Variants in XIRP2 observed in about 807,000 individuals in gnomAD.
The protein encoded by XIRP2 is xin actin binding repeat containing 2.
A neutral mutation model predicts 277.0 loss-of-function variants in XIRP2; 236 were observed. The observed-to-expected ratio is 0.85, with a 90% CI of 0.77 to 0.95. XIRP2 has a LOEUF of 0.95. Ranked by LOEUF, XIRP2 falls within the 40% of genes least tolerant of loss-of-function variation. The probability of loss-of-function intolerance (pLI) is 0.00; values close to 1 mark genes in which losing one functional copy is unlikely to be tolerated. For synonymous variants in XIRP2, 1,490 were observed against 1,416.5 expected (o/e 1.05, Z -1.17); for missense variants, 4,640 against 4,157.5 (o/e 1.12, Z -3.19).
chr2:167,139,785 T>A (rs1691657224), intron 3 of XIRP2, among the ~76,000 whole-genome samples: 1 of 152,224 alleles, frequency 6.6e-6, no homozygotes. Flanking sequence ...GTCCTATATC[T>A]GTGCGGTCCA....
intron 3 of XIRP2, among the ~76,000 whole-genome samples, chr2:167,201,170 GAGAAAGAAAGAGAGAGAGAGAAAGAA>G (rs1173258934): frequency 6.9e-6 from 1 of 145,026 alleles, no homozygotes; most frequent in Admixed American, 7.1e-5. Flanking sequence ...GAGAGAGAGA[GAGAAAGAAAGAGAGAGAGAGAAAGAA>G]AGAAAGAAAG....
intron 2 of XIRP2, among the ~76,000 whole-genome samples, chr2:167,024,031 A>C (rs894875447): frequency 6.6e-6 from 1 of 152,128 alleles, no homozygotes; most frequent in African/African-American, 2.4e-5. Flanking sequence ...CATTGAATCT[A>C]TAAATTACCT....
At chr2:167,104,683 C>A (rs944823010) in intron 2 of XIRP2, among the ~76,000 whole-genome samples, 1 of 151,890 alleles carries the variant, frequency 6.6e-6, no homozygotes, top group African/African-American at 2.4e-5. Flanking sequence ...TTTACTGTTG[C>A]TTATTTTATT....
intron 2 of XIRP2, among the ~76,000 whole-genome samples, chr2:167,060,477 C>T (rs547981112): frequency 2.6e-4 from 40 of 152,164 alleles, no homozygotes; most frequent in African/African-American, 9.4e-4. Flanking sequence ...GAAGTTTTAT[C>T]TTTTTATTTC....
chr2:166,917,087 C>A (rs1205836807), intron 2 of XIRP2, among the ~76,000 whole-genome samples: 1 of 152,056 alleles, frequency 6.6e-6, no homozygotes, highest in African/African-American at 2.4e-5. Context: ...CTTCTGTTTT[C>A]TCATCTATAA....
intron 2 of XIRP2, among the ~76,000 whole-genome samples, chr2:167,108,966 A>T (rs894109275): frequency 6.6e-5 from 10 of 151,902 alleles, no homozygotes; most frequent in South Asian, 2.1e-4. Context: ...ACTTTATTAC[A>T]TGGGTAACAA....
chr2:167,092,904 C>A (rs1349389726), intron 2 of XIRP2, among the ~76,000 whole-genome samples: 2 of 152,154 alleles, frequency 1.3e-5, no homozygotes, highest in African/African-American at 4.8e-5. Context: ...ACTGCAGGAA[C>A]AAATTATGTC....
chr2:167,016,121 T>A (rs1250947628), intron 2 of XIRP2, among the ~76,000 whole-genome samples: 1 of 151,886 alleles, frequency 6.6e-6, no homozygotes, highest in Non-Finnish European at 1.5e-5. Context: ...AGATTTATCC[T>A]TGTCGATTCC....
rs185414163 is a variant in XIRP2, at chr2:167,133,331, A to G, written c.409-2578A>G. ...ATCCAAGAAGCTCTTTTACATCTCT[A>G]CACAGCTGCCTCCTTACCCCTTGCC... On this transcript the variant is annotated intron_variant, in intron 2 of 10. Transcript: ENST00000409195. 2.1e-4 allele frequency among the ~76,000 whole-genome samples: 32 copies of G among 152,288 alleles called. 1 individual carries two copies. In the East Asian group the frequency reaches 4.2e-3, roughly 20 times the overall value.
At chr2:167,073,541 A>T (rs917251594) in intron 2 of XIRP2, among the ~76,000 whole-genome samples, 1 of 152,126 alleles carries the variant, frequency 6.6e-6, no homozygotes, top group African/African-American at 2.4e-5. Flanking sequence ...AGTCCTGACA[A>T]CTAGATACCA....
At chr2:167,001,956 A>T (rs1244806449) in intron 2 of XIRP2, among the ~76,000 whole-genome samples, 1 of 152,106 alleles carries the variant, frequency 6.6e-6, no homozygotes, top group African/African-American at 2.4e-5. Context: ...TTACTCTTTA[A>T]TTCTGAAAAC....
rs565840369 is a variant in XIRP2, at chr2:166,937,501, AT to A, written c.408+33618del. On this transcript the variant is annotated intron_variant, in intron 2 of 10. Coordinates refer to ENST00000409195, the MANE Select transcript of XIRP2 (RefSeq NM_152381.6). ...GTGCTGCTGGATTTGGTTTGCCAGTATTTTTTTGAGGATTTTTGCATCGATG... is the reference window on the plus strand; with the variant it reads ...GTGCTGCTGGATTTGGTTTGCCAGTATTTTTTGAGGATTTTTGCATCGATG... 6.2e-3 allele frequency among the ~76,000 whole-genome samples: 939 copies of A among 152,174 alleles called. 2 individuals are homozygous for A. Among genetic ancestry groups the A allele is most frequent in the Middle Eastern group, 0.044 (13 of 294 alleles).
At chr2:167,097,942 T>C (rs1226835187) in intron 2 of XIRP2, among the ~76,000 whole-genome samples, 1 of 152,238 alleles carries the variant, frequency 6.6e-6, no homozygotes, top group Non-Finnish European at 1.5e-5. Context: ...GGCTTCCCTT[T>C]GTGGGTAACC....
At chr2:166,968,766 CA>C (rs937543118) in intron 2 of XIRP2, among the ~76,000 whole-genome samples, 2 of 151,556 alleles carry the variant, frequency 1.3e-5, no homozygotes, top group African/African-American at 4.8e-5. Flanking sequence ...TATTTTTTAA[CA>C]GAAGCTAGTA....
intron 5 of XIRP2, among the ~76,000 whole-genome samples, chr2:167,225,957 G>A (rs1027669136): frequency 6.6e-6 from 1 of 152,084 alleles, no homozygotes. Flanking sequence ...GCTAAATAGA[G>A]CAAAATAGCC....
intron 2 of XIRP2, among the ~76,000 whole-genome samples, chr2:166,944,856 G>A (rs1685810383): frequency 6.6e-6 from 1 of 152,100 alleles, no homozygotes; most frequent in Non-Finnish European, 1.5e-5. Context: ...GACAGAGCTG[G>A]GGTTTGATTG....
At chr2:166,903,106 A>G (rs75095825) in intron 1 of XIRP2, among the ~76,000 whole-genome samples, 3,583 of 152,230 alleles carry the variant, frequency 0.024, 52 homozygotes, top group Non-Finnish European at 0.034. Context: ...CCCTTTTCTT[A>G]GAATATACTA....
At chr2:167,007,703 TCACACACACACA>T (rs57336666) in intron 2 of XIRP2, among the ~76,000 whole-genome samples, 5 of 130,068 alleles carry the variant, frequency 3.8e-5, no homozygotes, top group Admixed American at 7.8e-5. Context: ...TCTCTCTCTC[TCACACACACACA>T]CACACACACA....
chr2:166,893,498 T>C (rs1684161923), intron 1 of XIRP2, among the ~76,000 whole-genome samples: 2 of 152,300 alleles, frequency 1.3e-5, no homozygotes, highest in South Asian at 4.1e-4. Context: ...GCATTGTCTT[T>C]ATATTTACCA....
Sources: allele counts gnomAD v4.1 joint callset (sites outside exome capture counted in the v4.1 genomes callset), GRCh38; gene constraint gnomAD v4.1.1; transcripts MANE v1.5; gene names NCBI Gene and HGNC (gene_info 2026-07-23, HGNC 2026-07-21).